ZNF366: variants seen among roughly 807,000 people sequenced by gnomAD.
The protein encoded by ZNF366 is zinc finger protein 366.
In ZNF366, 20 loss-of-function variants were observed where a neutral mutation model predicts 47.2. That is an observed-to-expected ratio of 0.42 (90% CI 0.30 to 0.62). The LOEUF is 0.62. Among genes scored for constraint, ZNF366 ranks in the 20% least tolerant of loss-of-function variants. ZNF366 has a pLI of 0.16. For synonymous variants in ZNF366, 421 were observed against 395.1 expected (o/e 1.07, Z -0.78); for missense variants, 987 against 976.3 (o/e 1.01, Z -0.15).
Position 72,460,257 on chromosome 5 carries a change from T to C in ZNF366, c.1240A>G (p.Lys414Glu). The C allele has an allele frequency of 6.2e-7, 1 of 1,614,046 alleles. No homozygotes were observed. Among genetic ancestry groups the C allele is most frequent in the Non-Finnish European group, 8.5e-7 (1 of 1,179,990 alleles). Reference protein sequence around the residue: ...YPSQLQNHMMKHKDIRPYICS... With the variant: ...YPSQLQNHMMEHKDIRPYICS... The stretch of plus-strand genomic sequence containing the variant: ...ATGTAGGGCCGGATGTCCTTGTGCT[T>C]CATCATGTGGTTCTGCAGCTGGCTC... The change falls in exon 2 of 5, where the codon AAG becomes GAG. Residue 414 changes from lysine to glutamate, a missense_variant. Coordinates refer to ENST00000318442, the MANE Select transcript of ZNF366 (RefSeq NM_152625.3).
At chr5:72,504,319 C>G (rs966597590) in intron 1 of ZNF366, among the ~76,000 whole-genome samples, 1 of 151,972 alleles carries the variant, frequency 6.6e-6, no homozygotes, top group Non-Finnish European at 1.5e-5. Context: ...CCCTCCACAA[C>G]CAGGGAAAAG....
At position 72,461,063 on chromosome 5, in the gene ZNF366, A is replaced by C. The variant is rs539423696; in HGVS notation, c.434T>G (p.Phe145Cys). ...GFQFYRSLEH[F>C]GGKPVKQEPI... is the part of the protein sequence containing the mutation. ...TTCCTGCTTGACGGGCTTGCCCCCA[A>C]AGTGTTCCAGGCTGCGGTAGAATTG... is the stretch of plus-strand genomic sequence containing the variant. The change falls in exon 2 of 5, where the codon TTT becomes TGT. Residue 145 changes from phenylalanine to cysteine, a missense_variant. By Grantham distance (205) the Phe-to-Cys change is radical. Around this residue, in one of 3 missense-constraint regions of ZNF366, gnomAD observed 591 missense variants for 560.9 expected, o/e 1.05. Transcript: ENST00000318442. The C allele has an allele frequency of 2.5e-6, 4 of 1,614,100 alleles. No individual in the cohort carries two copies. The highest frequency in any genetic ancestry group is 1.7e-5 in the Admixed American group (1 of 60,026).
chr5:72,507,015 A>G (rs1420706216), intron 1 of ZNF366, among the ~76,000 whole-genome samples: 1 of 152,198 alleles, frequency 6.6e-6, no homozygotes, highest in African/African-American at 2.4e-5. Context: ...GATTTAACGC[A>G]GTGTCCTCTT....
At chr5:72,471,114 T>C (rs1743553257) in intron 1 of ZNF366, among the ~76,000 whole-genome samples, 1 of 152,164 alleles carries the variant, frequency 6.6e-6, no homozygotes, top group East Asian at 1.9e-4. Context: ...CCTCACTGAC[T>C]CAATAGCTGC....
chr5:72,446,305 T>C (rs1742957231), intron 4 of ZNF366, among the ~76,000 whole-genome samples: 1 of 152,256 alleles, frequency 6.6e-6, no homozygotes, highest in South Asian at 2.1e-4. Flanking sequence ...TGTCTCACCC[T>C]GTGCTTTGAT....
At chr5:72,473,677 T>C (rs537281676) in intron 1 of ZNF366, among the ~76,000 whole-genome samples, 24 of 152,346 alleles carry the variant, frequency 1.6e-4, no homozygotes, top group African/African-American at 5.5e-4. Flanking sequence ...CTTTGCTCCC[T>C]ACTCAGTTAT....
rs1290924444 is a variant in ZNF366 at position 72,452,155 on chromosome 5, G to C, written c.1524+4249C>G. 2.6e-5 allele frequency among the ~76,000 whole-genome samples: 4 copies of C among 152,200 alleles called. No individual in the cohort carries two copies. The South Asian group carries it at 6.2e-4, about 24-fold the overall frequency. ...AGAGAGAAGAGGTCAGAGAGCTGTG[G>C]CCTGCAGCTGAGGAGAATGGCCTCC... On this transcript the variant is annotated intron_variant, in intron 3 of 4. Transcript: ENST00000318442.
intron 1 of ZNF366, among the ~76,000 whole-genome samples, chr5:72,470,028 C>G (rs1743528041): frequency 1.3e-5 from 2 of 152,152 alleles, no homozygotes; most frequent in African/African-American, 2.4e-5. Context: ...CTGGGCAACA[C>G]AGCAAGACCC....
intron 3 of ZNF366, among the ~76,000 whole-genome samples, chr5:72,451,296 A>G (rs1743065736): frequency 6.6e-6 from 1 of 152,260 alleles, no homozygotes; most frequent in African/African-American, 2.4e-5. Flanking sequence ...CAGCTTCTCC[A>G]TCCACCCGCT....
intron 1 of ZNF366, among the ~76,000 whole-genome samples, chr5:72,493,303 C>T (rs558719603): frequency 1.3e-5 from 2 of 152,352 alleles, no homozygotes; most frequent in South Asian, 4.1e-4. Context: ...GTGATCATCA[C>T]AGCACCCTCT....
chr5:72,442,619 G>T lies in ZNF366; in HGVS notation c.*1137C>A, dbSNP rs1303929420. 6.7e-6 allele frequency: 1 copy of T among 150,254 alleles called. No homozygotes were observed. Among genetic ancestry groups the T allele is most frequent in the Non-Finnish European group, 1.5e-5 (1 of 67,934 alleles). 9.3% of individuals were successfully genotyped at this position (150,254 alleles called of 1,614,324 possible). A position where few individuals can be genotyped will look rare whatever the true frequency, so the allele number is the denominator to read the frequency against. Reference sequence around the variant, plus strand: ...TCTAGCTCTGAGGAGAAAGCCCCCTGGTCACTGGTGACAAGTCTTCCTGCA... The same window carrying T: ...TCTAGCTCTGAGGAGAAAGCCCCCTTGTCACTGGTGACAAGTCTTCCTGCA... On this transcript the variant is annotated 3_prime_UTR_variant, in exon 5 of 5. Coordinates refer to ENST00000318442, the MANE Select transcript of ZNF366 (RefSeq NM_152625.3).
intron 1 of ZNF366, among the ~76,000 whole-genome samples, chr5:72,483,707 C>G (rs1198764991): frequency 6.6e-6 from 1 of 152,058 alleles, no homozygotes; most frequent in African/African-American, 2.4e-5. Flanking sequence ...CTAAACTGTA[C>G]CAAGGGGAAG....
chr5:72,443,154 C>A lies in ZNF366; in HGVS notation c.*602G>T, dbSNP rs1362978012. ...CACAGAACAAGAGAATCTAAGTATT[C>A]TAGGTCACCAGTTTCCCTTAGTCAA... On this transcript the variant is annotated 3_prime_UTR_variant, in exon 5 of 5. Coordinates refer to ENST00000318442, the MANE Select transcript of ZNF366 (RefSeq NM_152625.3). The A allele has an allele frequency of 6.6e-6, 1 of 152,300 alleles. No homozygotes were observed. Among genetic ancestry groups the A allele is most frequent in the Non-Finnish European group, 1.5e-5 (1 of 68,102 alleles). 9.4% of individuals were successfully genotyped at this position (152,300 alleles called of 1,614,324 possible).
At chr5:72,456,818 A>G (rs1304586945) in intron 2 of ZNF366, among the ~76,000 whole-genome samples, 1 of 152,164 alleles carries the variant, frequency 6.6e-6, no homozygotes, top group East Asian at 1.9e-4. Flanking sequence ...AACTAGCCAG[A>G]CTATTAGAGG....
chr5:72,496,876 C>T (rs139241342), intron 1 of ZNF366, among the ~76,000 whole-genome samples: 262 of 152,216 alleles, frequency 1.7e-3, no homozygotes, highest in African/African-American at 6.0e-3. Flanking sequence ...TTTGCATTTT[C>T]GTAATCTAAC....
In ZNF366 at chr5:72,460,316, T is replaced by A; in HGVS notation, c.1181A>T (p.Asn394Ile). Residue 394 changes from asparagine to isoleucine, a missense_variant, in exon 2 of 5, where the codon AAC (asparagine) becomes ATC (isoleucine). Coordinates refer to ENST00000318442, the MANE Select transcript of ZNF366 (RefSeq NM_152625.3). ...GAAGGTCTTGTCGCACTCGGAGCAG[T>A]TGTACTGGATGGGGCCCCGGTGCGT... ...LTTHRGPIQYNCSECDKTFQY... is the reference protein window; with the variant it reads ...LTTHRGPIQYICSECDKTFQY... 2 of 1,614,162 alleles carry A rather than the reference T, an allele frequency of 1.2e-6. No homozygotes were observed. Among genetic ancestry groups the A allele is most frequent in the Non-Finnish European group, 1.7e-6 (2 of 1,180,016 alleles).
At chr5:72,505,087 G>A (rs1268652884) in intron 1 of ZNF366, among the ~76,000 whole-genome samples, 1 of 152,210 alleles carries the variant, frequency 6.6e-6, no homozygotes, top group Non-Finnish European at 1.5e-5. Flanking sequence ...ATTTAGTTAT[G>A]TGTACAGTTT....
At chr5:72,472,879 CAA>C (rs1743599272) in intron 1 of ZNF366, among the ~76,000 whole-genome samples, 1 of 152,244 alleles carries the variant, frequency 6.6e-6, no homozygotes, top group African/African-American at 2.4e-5. Flanking sequence ...TAGAACCACA[CAA>C]TATCAAAGTG....
chr5:72,490,604 G>T (rs1198947965), intron 1 of ZNF366, among the ~76,000 whole-genome samples: 1 of 152,190 alleles, frequency 6.6e-6, no homozygotes. Flanking sequence ...ACAATGGCAA[G>T]AAGACAGTGG....
Sources: gnomAD v4.1 joint callset for allele counts (sites outside exome capture counted in the v4.1 genomes callset) on GRCh38, gnomAD v4.1.1 for gene constraint, gnomAD v4.1.1 regional missense constraint, MANE v1.5 for transcripts, NCBI Gene and HGNC (gene_info 2026-07-23, HGNC 2026-07-21) for gene names.